IQUB: variants seen among roughly 807,000 people sequenced by gnomAD.
IQUB encodes the protein IQ motif and ubiquitin-like domain-containing protein.
A neutral mutation model predicts 86.4 loss-of-function variants in IQUB; 86 were observed. The ratio of observed to expected loss-of-function variants is 1.00; its 90% CI spans 0.84 to 1.19. IQUB has a LOEUF of 1.19. IQUB is among the 50% of genes most tolerant of loss of function. The pLI is 0.00. For synonymous variants in IQUB, 289 were observed against 304.5 expected (o/e 0.95, Z 0.53); for missense variants, 946 against 916.9 (o/e 1.03, Z -0.41).
At chr7:123,470,343 G>A (rs1331852523) in intron 8 of IQUB, among the ~76,000 whole-genome samples, 1 of 152,166 alleles carries the variant, frequency 6.6e-6, no homozygotes, top group Non-Finnish European at 1.5e-5. Flanking sequence ...ACAAGACTAT[G>A]TTGATCATGA....
chr7:123,454,950 A>G (rs1793621142), intron 12 of IQUB, among the ~76,000 whole-genome samples: 2 of 152,106 alleles, frequency 1.3e-5, no homozygotes, highest in South Asian at 4.1e-4. Flanking sequence ...TCCATAATAT[A>G]GTCTTTGGAA....
chr7:123,506,156 T>C (rs748381731), intron 3 of IQUB, among the ~76,000 whole-genome samples: 2 of 152,190 alleles, frequency 1.3e-5, no homozygotes, highest in African/African-American at 2.4e-5. Flanking sequence ...CTCATTTCCA[T>C]CTGAGACTAC....
rs1390730374 is a variant in IQUB at position 123,457,427 on chromosome 7, G to A, written c.2147C>T (p.Thr716Ile). The change falls in exon 12 of 13, where the codon ACC becomes ATC. Residue 716 changes from threonine to isoleucine, a missense_variant. Physicochemically the swap from Thr to Ile is moderately conservative, Grantham distance 89 (BLOSUM62 -1). Coordinates refer to ENST00000324698, the MANE Select transcript of IQUB (RefSeq NM_178827.5). ...GAGATGAGCAGCTGCTTCATCTTTG[G>A]TAAGAAGAATGCAGTTCCAGGGGGA... ...EWSPWNCILLTKDEAAAHLKL... is the reference protein window; with the variant it reads ...EWSPWNCILLIKDEAAAHLKL... 1 of 1,612,018 alleles carries A rather than the reference G, an allele frequency of 6.2e-7. No individual in the cohort carries two copies. The highest frequency in any genetic ancestry group is 8.5e-7 in the Non-Finnish European group (1 of 1,178,980).
intron 7 of IQUB, among the ~76,000 whole-genome samples, chr7:123,494,277 A>G (rs1433625524): frequency 1.3e-5 from 2 of 152,132 alleles, no homozygotes; most frequent in Admixed American, 6.6e-5. Flanking sequence ...TTCTTAAATT[A>G]ATATCATTTT....
At chr7:123,457,718 A>G (rs1793779244) in intron 11 of IQUB, 152 bp from the exon 12 acceptor site, 2 of 629,026 alleles carry the variant, frequency 3.2e-6, no homozygotes, top group African/African-American at 1.9e-5. Flanking sequence ...TTTTCACTAA[A>G]CTTCTGTTCA....
chr7:123,476,419 T>C (rs1180592770), intron 8 of IQUB, among the ~76,000 whole-genome samples: 1 of 152,080 alleles, frequency 6.6e-6, no homozygotes, highest in East Asian at 1.9e-4. Flanking sequence ...ATGCAAGTAA[T>C]CAAGCATGGC....
chr7:123,464,730 G>T, intron 10 of IQUB, 103 bp downstream of exon 10: 1 of 591,586 alleles, frequency 1.7e-6, no homozygotes, highest in Non-Finnish European at 2.9e-6. Context: ...TATTCCACAT[G>T]GACTCCCAAG....
chr7:123,496,720 C>A lies in IQUB; in HGVS notation c.1210G>T (p.Glu404Ter). 6.2e-7 allele frequency: 1 copy of A among 1,604,172 alleles called. No individual in the cohort carries two copies. Among genetic ancestry groups the A allele is most frequent in the East Asian group, 2.2e-5 (1 of 44,580 alleles). ...CATTCTAATGCATTATAAAGAAATTCAAAATCTTCATTTGTTTTAGGATTA... is the reference window on the plus strand; with the variant it reads ...CATTCTAATGCATTATAAAGAAATTAAAAATCTTCATTTGTTTTAGGATTA... ...RHNPKTNEDFEFLYNALEFWR... is the reference protein window; with the variant it reads ...RHNPKTNEDF Residue 404 changes from glutamate to a stop codon, truncating the protein, a stop_gained, in exon 7 of 13, where the codon GAA (glutamate) becomes TAA (stop). Transcript: ENST00000324698. LOFTEE classifies it high-confidence loss of function.
intron 1 of IQUB, among the ~76,000 whole-genome samples, chr7:123,514,405 A>G (rs1796555535): frequency 6.6e-6 from 1 of 152,204 alleles, no homozygotes; most frequent in African/African-American, 2.4e-5. Flanking sequence ...CAAAGGAGGA[A>G]AATGATTTCA....
At chr7:123,482,481 G>T (rs1795052100) in intron 7 of IQUB, among the ~76,000 whole-genome samples, 1 of 151,654 alleles carries the variant, frequency 6.6e-6, no homozygotes. Context: ...AATTAAACTA[G>T]AACTAATAAC....
At chr7:123,460,899 G>C (rs912515823) in intron 11 of IQUB, among the ~76,000 whole-genome samples, 1 of 151,538 alleles carries the variant, frequency 6.6e-6, no homozygotes, top group Admixed American at 6.6e-5. Context: ...AAAGAACTCT[G>C]GCCAGAAACT....
At position 123,479,835 on chromosome 7, in the gene IQUB, A is replaced by G. The variant is rs1349773378; in HGVS notation, c.1370T>C (p.Met457Thr). ...SIGRHRYIAY[M>T]ANQEAAIQAF... ...TTGTATTGCTGCTTCCTGATTTGCC[A>G]TATAAGCAATGTATCTATGTCTCCC... Residue 457 changes from methionine to threonine, a missense_variant, in exon 8 of 13, where the codon ATG (methionine) becomes ACG (threonine). Physicochemically the swap from Met to Thr is moderately conservative, Grantham distance 81 (BLOSUM62 -1). Transcript: ENST00000324698. 6.2e-7 allele frequency: 1 copy of G among 1,612,670 alleles called. No homozygotes were observed. Among genetic ancestry groups the G allele is most frequent in the Non-Finnish European group, 8.5e-7 (1 of 1,179,322 alleles).
At chr7:123,468,523 C>G (rs1321282476) in intron 9 of IQUB, among the ~76,000 whole-genome samples, 1 of 135,802 alleles carries the variant, frequency 7.4e-6, no homozygotes, top group Non-Finnish European at 1.6e-5. Flanking sequence ...CTATGCCCTT[C>G]TGGGGCAGCC....
chr7:123,475,312 AAT>A (rs999321282), intron 8 of IQUB, among the ~76,000 whole-genome samples: 1 of 152,014 alleles, frequency 6.6e-6, no homozygotes, highest in Non-Finnish European at 1.5e-5. Flanking sequence ...AACACAAAAA[AAT>A]AGATCTTCCT....
intron 11 of IQUB, 113 bp from the exon 12 acceptor site, chr7:123,457,679 C>CT: frequency 4.9e-6 from 4 of 823,808 alleles, no homozygotes; most frequent in Non-Finnish European, 5.7e-6. Context: ...TTATTATTCA[C>CT]TAGGTTTCAA....
intron 1 of IQUB, among the ~76,000 whole-genome samples, chr7:123,527,989 C>T (rs369781313): frequency 3.9e-5 from 6 of 152,238 alleles, no homozygotes; most frequent in East Asian, 1.9e-4. Flanking sequence ...TAGGACCCTC[C>T]GAGCCGGGTG....
intron 10 of IQUB, 85 bp downstream of exon 10, chr7:123,464,748 T>A (rs1248698390): frequency 4.6e-6 from 4 of 864,676 alleles, no homozygotes; most frequent in Non-Finnish European, 6.9e-6. Context: ...AAGTAAAGTG[T>A]TAAAGCAAAA....
intron 12 of IQUB, among the ~76,000 whole-genome samples, chr7:123,455,918 T>G (rs1420369242): frequency 6.6e-6 from 1 of 152,092 alleles, no homozygotes; most frequent in Non-Finnish European, 1.5e-5. Flanking sequence ...CGAAAGTGTT[T>G]TTCCACGTTT....
chr7:123,522,249 G>T lies in IQUB; in HGVS notation c.-4-9905C>A, dbSNP rs951433805. On this transcript the variant is annotated intron_variant, in intron 1 of 12. Transcript: ENST00000324698. ...CAAGCATCCATGTAGACTCACTGGT[G>T]TTTCCCCTGTTGGACTGGGTGGGGC... 6.6e-5 allele frequency among the ~76,000 whole-genome samples: 10 copies of T among 152,320 alleles called. No homozygotes were observed. In the East Asian group the frequency reaches 1.9e-3, roughly 29 times the overall value.
Sources: allele counts gnomAD v4.1 joint callset (sites outside exome capture counted in the v4.1 genomes callset), GRCh38; gene constraint gnomAD v4.1.1; transcripts MANE v1.5; gene names NCBI Gene and HGNC (gene_info 2026-07-23, HGNC 2026-07-21).